APOO: variants seen among roughly 807,000 people sequenced by gnomAD.
The protein encoded by APOO is apolipoprotein O.
APOO carries 11 observed loss-of-function variants against 23.1 expected under a neutral mutation model. The ratio of observed to expected loss-of-function variants is 0.48; its 90% CI spans 0.30 to 0.79. The LOEUF (loss-of-function observed/expected upper bound fraction) is 0.79, where lower values mean the gene tolerates loss of function less well. Among genes scored for constraint, APOO ranks in the 30% least tolerant of loss-of-function variants. The probability of loss-of-function intolerance (pLI) is 0.07; values close to 1 mark genes in which losing one functional copy is unlikely to be tolerated. For synonymous variants in APOO, 59 were observed against 54.8 expected (o/e 1.08, Z -0.34); for missense variants, 160 against 142.7 (o/e 1.12, Z -0.62).
intron 1 of APOO, among the ~76,000 whole-genome samples, chrX:23,895,164 C>A (rs1410532959): frequency 9.1e-6 from 1 of 109,549 alleles, no homozygotes; most frequent in Non-Finnish European, 1.9e-5. Flanking sequence ...TTCATTATCT[C>A]CACACACACA....
rs1311197493 is a variant in APOO, at chrX:23,853,220, T to C, written c.561+3082A>G. 4.5e-5 allele frequency among the ~76,000 whole-genome samples: 5 copies of C among 111,130 alleles called. No homozygotes were observed. In the East Asian group the frequency reaches 1.4e-3, roughly 31 times the overall value. On this transcript the variant is annotated intron_variant, in intron 7 of 8. Coordinates refer to ENST00000379226, the MANE Select transcript of APOO (RefSeq NM_024122.5). ...TTGCAGTAAGCCGAGATCGTGCCACTGCACTCCAGCCTGGGCAACAGAGCA... is the reference window on the plus strand; with the variant it reads ...TTGCAGTAAGCCGAGATCGTGCCACCGCACTCCAGCCTGGGCAACAGAGCA...
At chrX:23,840,510 G>T in intron 7 of APOO, 133 bp from the exon 8 acceptor site, 1 of 467,145 alleles carries the variant, frequency 2.1e-6, no homozygotes, top group South Asian at 6.6e-5. Context: ...TTTTATTGAG[G>T]ACTTGGGGGG....
intron 4 of APOO, among the ~76,000 whole-genome samples, chrX:23,869,761 C>T (rs750121353): frequency 9.3e-6 from 1 of 107,909 alleles, no homozygotes; most frequent in Non-Finnish European, 1.9e-5. Flanking sequence ...ACCAGCCTGA[C>T]CAACATGGTA....
At chrX:23,906,977 A>C (rs747213096) in intron 1 of APOO, among the ~76,000 whole-genome samples, 1 of 112,616 alleles carries the variant, frequency 8.9e-6, no homozygotes, top group Admixed American at 9.4e-5. Context: ...CTTCTTGAAG[A>C]CTCAATTTTG....
intron 7 of APOO, among the ~76,000 whole-genome samples, chrX:23,845,260 T>C (rs991113479): frequency 8.9e-6 from 1 of 112,481 alleles, no homozygotes; most frequent in African/African-American, 3.2e-5. Context: ...CTAATACCTG[T>C]AGTTCTTAGA....
chrX:23,833,723 T>C (rs1425941015), intron 8 of APOO, 111 bp from the exon 9 acceptor site: 1 of 112,646 alleles, frequency 8.9e-6, no homozygotes. Flanking sequence ...GGCCCATGCC[T>C]GTAATCCCAG....
At chrX:23,896,597 A>G (rs1213874853) in intron 1 of APOO, among the ~76,000 whole-genome samples, 1 of 111,661 alleles carries the variant, frequency 9.0e-6, no homozygotes, top group Non-Finnish European at 1.9e-5. Flanking sequence ...ATACTTTAAC[A>G]ATAACAATAA....
chrX:23,894,156 A>T (rs979770423), intron 1 of APOO, among the ~76,000 whole-genome samples: 2 of 109,373 alleles, frequency 1.8e-5, no homozygotes, highest in Non-Finnish European at 3.8e-5. Flanking sequence ...TATTATTATT[A>T]TTTTTTGAGA....
intron 6 of APOO, among the ~76,000 whole-genome samples, chrX:23,857,026 G>T (rs1010097227): frequency 3.6e-5 from 4 of 111,253 alleles, no homozygotes; most frequent in Non-Finnish European, 7.5e-5. Flanking sequence ...ACTTGTAATT[G>T]GGAACTAAAC....
chrX:23,872,749 G>A (rs1017120061), intron 4 of APOO, among the ~76,000 whole-genome samples: 1 of 110,089 alleles, frequency 9.1e-6, no homozygotes, highest in Non-Finnish European at 1.9e-5. Context: ...AGCTTTTTTA[G>A]TTATTTAAAA....
intron 1 of APOO, among the ~76,000 whole-genome samples, chrX:23,901,394 C>T (rs192489220): frequency 2.7e-5 from 3 of 111,259 alleles, no homozygotes; most frequent in African/African-American, 9.8e-5. Context: ...CTGATTTCCC[C>T]CTTCCAATGC....
At chrX:23,864,938 G>A (rs1021596988) in intron 5 of APOO, among the ~76,000 whole-genome samples, 9 of 110,751 alleles carry the variant, frequency 8.1e-5, no homozygotes, top group African/African-American at 1.6e-4. Context: ...AGGGAGAGCC[G>A]AGAAGTGGCA....
chrX:23,896,624 G>T (rs1293352337), intron 1 of APOO, among the ~76,000 whole-genome samples: 2 of 110,964 alleles, frequency 1.8e-5, no homozygotes, highest in African/African-American at 3.3e-5. Flanking sequence ...CAATCATTTC[G>T]ATCTGTTTCA....
intron 4 of APOO, among the ~76,000 whole-genome samples, chrX:23,872,563 T>C (rs1290290289): frequency 9.6e-6 from 1 of 103,691 alleles, no homozygotes; most frequent in Non-Finnish European, 1.9e-5. Flanking sequence ...TGTGGGTACA[T>C]AGTAGGTGTA....
At chrX:23,878,707 T>C (rs1474472682) in intron 3 of APOO, among the ~76,000 whole-genome samples, 2 of 3,723 alleles carry the variant, frequency 5.4e-4, no homozygotes, top group Non-Finnish European at 9.8e-4. Flanking sequence ...AAATAGGTTT[T>C]ATTCATTCTT....
In APOO at chrX:23,840,334, G is replaced by C. The variant is rs751451904; in HGVS notation, c.*8C>G. Reference sequence around the variant, plus strand: ...TTACCTGATTAAGATGGCAGAGCATGGAGTTTTCTACTTAGTTCCAGGTGA... The same window carrying C: ...TTACCTGATTAAGATGGCAGAGCATCGAGTTTTCTACTTAGTTCCAGGTGA... On this transcript the variant is annotated 3_prime_UTR_variant, in exon 8 of 9. Coordinates refer to ENST00000379226, the MANE Select transcript of APOO (RefSeq NM_024122.5). 3 of 1,191,174 alleles carry C rather than the reference G, an allele frequency of 2.5e-6. No individual in the cohort carries two copies. Among genetic ancestry groups the C allele is most frequent in the Non-Finnish European group, 3.4e-6 (3 of 886,166 alleles).
chrX:23,839,571 T>C lies in APOO; in HGVS notation c.*29+742A>G, dbSNP rs772680437. Among the ~76,000 whole-genome samples, 32 of 112,031 alleles carry C rather than the reference T, an allele frequency of 2.9e-4. 1 individual carries two copies. The highest frequency in any genetic ancestry group is 2.4e-4 in the Non-Finnish European group (13 of 53,234). The stretch of plus-strand genomic sequence containing the variant: ...CAATTTTCAAAAAATTTTCTGATTA[T>C]AAAATGCATACTCATTGCAGAAAAT... On this transcript the variant is annotated intron_variant, in intron 8 of 8. Coordinates refer to ENST00000379226, the MANE Select transcript of APOO (RefSeq NM_024122.5).
intron 4 of APOO, among the ~76,000 whole-genome samples, chrX:23,872,521 T>TTATATATATA (rs773219545): frequency 0.02 from 1,847 of 93,148 alleles, 21 homozygotes; most frequent in Non-Finnish European, 0.027. Flanking sequence ...TTATGAGAAT[T>TTATATATATA]TATATATATA....
At chrX:23,907,606 G>C in intron 1 of APOO, 88 bp downstream of exon 1, 1 of 995,636 alleles carries the variant, frequency 1.0e-6, no homozygotes, top group Non-Finnish European at 1.3e-6. Context: ...GCCAGGCCTG[G>C]CTGCAGAGAG....
Sources: allele counts gnomAD v4.1 joint callset (sites outside exome capture counted in the v4.1 genomes callset), GRCh38; gene constraint gnomAD v4.1.1; transcripts MANE v1.5; gene names NCBI Gene and HGNC (gene_info 2026-07-23, HGNC 2026-07-21).